Variants in SH3KBP1 observed in about 807,000 individuals in gnomAD.
The protein encoded by SH3KBP1 is SH3 domain containing kinase binding protein 1, also known as SH3 domain-containing kinase-binding protein 1.
SH3KBP1 carries 8 observed loss-of-function variants against 50.1 expected under a neutral mutation model. The observed-to-expected ratio is 0.16, with a 90% CI of 0.09 to 0.29. SH3KBP1 has a LOEUF of 0.29. Ranked by LOEUF, SH3KBP1 falls within the 10% of genes least tolerant of loss-of-function variation. SH3KBP1 has a pLI of 1.00. For missense variants in SH3KBP1, 377 were observed against 535.2 expected (o/e 0.70, Z 2.92); for synonymous variants, 227 against 218.6 (o/e 1.04, Z -0.34).
At chrX:19,552,974 G>A (rs1252182617) in intron 13 of SH3KBP1, among the ~76,000 whole-genome samples, 1 of 111,095 alleles carries the variant, frequency 9.0e-6, no homozygotes, top group East Asian at 2.8e-4. Context: ...CTCTAACAGT[G>A]GGTCCTCCCA....
chrX:19,536,505 T>A (rs1448843634), intron 17 of SH3KBP1, 47 bp from the exon 18 acceptor site: 11 of 871,267 alleles, frequency 1.3e-5, no homozygotes, highest in Non-Finnish European at 1.8e-5. Context: ...ATGAATCGGC[T>A]GGTTTTATAG....
At chrX:19,675,467 C>T (rs1040304118) in intron 6 of SH3KBP1, among the ~76,000 whole-genome samples, 1 of 108,569 alleles carries the variant, frequency 9.2e-6, no homozygotes, top group Non-Finnish European at 1.9e-5. Context: ...TACAGTGGCG[C>T]AATCTCAGCT....
intron 1 of SH3KBP1, among the ~76,000 whole-genome samples, chrX:19,856,951 C>CTATTTTT (rs2068660478): frequency 5.0e-5 from 1 of 20,040 alleles, no homozygotes; most frequent in Non-Finnish European, 1.0e-4. Flanking sequence ...TAATACTAGT[C>CTATTTTT]TTTTTTTTTT....
rs754697387 is a variant in SH3KBP1 at position 19,592,244 on chromosome X, G to T, written c.1058-97C>A. On this transcript the variant is annotated intron_variant, in intron 10 of 17. Transcript: ENST00000397821. The stretch of plus-strand genomic sequence containing the variant: ...ATCTTTATCAGGTAGAGCAAAGTCA[G>T]TAAGATTTTTTCCCCTGAGTTGGGC... 2.5e-5 allele frequency: 18 copies of T among 734,570 alleles called. No homozygotes were observed. The East Asian group carries it at 5.4e-4, about 22-fold the overall frequency. 60.5% of individuals were successfully genotyped at this position (734,570 alleles called of 1,213,427 possible).
intron 2 of SH3KBP1, among the ~76,000 whole-genome samples, chrX:19,748,225 C>A (rs777532427): frequency 1.2e-4 from 13 of 112,192 alleles, no homozygotes; most frequent in African/African-American, 4.2e-4. Context: ...CAACACCCAA[C>A]TTTGCCAAGG....
chrX:19,698,285 C>T (rs961983813), intron 4 of SH3KBP1, among the ~76,000 whole-genome samples: 1 of 112,041 alleles, frequency 8.9e-6, no homozygotes, highest in African/African-American at 3.2e-5. Context: ...GCAGCTGGGC[C>T]AATTCCAACC....
rs375300148 is a variant in SH3KBP1 at position 19,586,802 on chromosome X, T to C, written c.1298+1841A>G. On this transcript the variant is annotated intron_variant, in intron 12 of 17. Coordinates refer to ENST00000397821, the MANE Select transcript of SH3KBP1 (RefSeq NM_031892.3). ...CTGGGCAGCCAGCCCACGTTGCGACTTGCCTCTACATTTGAGCCTGGGAGT... is the reference window on the plus strand; with the variant it reads ...CTGGGCAGCCAGCCCACGTTGCGACCTGCCTCTACATTTGAGCCTGGGAGT... Among the ~76,000 whole-genome samples, 11 of 112,341 alleles carry C rather than the reference T, an allele frequency of 9.8e-5. No homozygotes were observed. In the East Asian group the frequency reaches 3.1e-3, roughly 31 times the overall value.
At chrX:19,549,272 G>C (rs2065173983) in intron 14 of SH3KBP1, among the ~76,000 whole-genome samples, 1 of 111,929 alleles carries the variant, frequency 8.9e-6, no homozygotes, top group African/African-American at 3.2e-5. Context: ...AAAAAGCTAA[G>C]GCTGTATAAC....
chrX:19,845,873 G>C (rs773615260), intron 1 of SH3KBP1, among the ~76,000 whole-genome samples: 1 of 111,386 alleles, frequency 9.0e-6, no homozygotes. Flanking sequence ...GCCTCCTAAA[G>C]TGCTGGAATT....
At position 19,544,513 on chromosome X, in the gene SH3KBP1, C is replaced by T. The variant is rs190526921; in HGVS notation, c.1623+1409G>A. Among the ~76,000 whole-genome samples the T allele has an allele frequency of 3.6e-3, 403 of 111,135 alleles. 1 individual carries two copies. Among genetic ancestry groups the T allele is most frequent in the Admixed American group, 6.8e-3 (71 of 10,386 alleles). On this transcript the variant is annotated intron_variant, in intron 15 of 17. Transcript: ENST00000397821. ...CTGTGGCTGCCTGAGTCTGAAGATT[C>T]GCACTCTCCTGTCCTCTCCTTTGCT... is the stretch of plus-strand genomic sequence containing the variant.
intron 3 of SH3KBP1, among the ~76,000 whole-genome samples, chrX:19,723,295 C>A (rs2064129087): frequency 8.9e-6 from 1 of 111,786 alleles, no homozygotes; most frequent in Non-Finnish European, 1.9e-5. Flanking sequence ...TAGTGAAAAA[C>A]CAGAATTATC....
At chrX:19,658,307 T>C (rs190954245) in intron 6 of SH3KBP1, among the ~76,000 whole-genome samples, 27 of 111,691 alleles carry the variant, frequency 2.4e-4, no homozygotes, top group Non-Finnish European at 4.5e-4. Context: ...CACCTCGGTC[T>C]TATCTGAAAC....
At chrX:19,582,416 C>T (rs761794326) in intron 12 of SH3KBP1, among the ~76,000 whole-genome samples, 3 of 111,905 alleles carry the variant, frequency 2.7e-5, no homozygotes, top group South Asian at 7.4e-4. Flanking sequence ...CTATGGTGGC[C>T]GCGTGGGTGA....
At position 19,780,618 on chromosome X, in the gene SH3KBP1, G is replaced by T. The variant is rs2066147086; in HGVS notation, c.163-34177C>A. On this transcript the variant is annotated intron_variant, in intron 2 of 17. Transcript: ENST00000397821. The stretch of plus-strand genomic sequence containing the variant: ...TTTAATCCATCTTGAATTGATTTTT[G>T]TATAAGGTGTAAGGAAGGGATCCGG... Among the ~76,000 whole-genome samples the T allele has an allele frequency of 3.7e-5, 4 of 108,624 alleles. No homozygotes were observed. In the South Asian group the frequency reaches 1.2e-3, roughly 33 times the overall value. 94.3% of individuals were successfully genotyped at this position (108,624 alleles called of 115,157 possible). A position where few individuals can be genotyped will look rare whatever the true frequency, so the allele number is the denominator to read the frequency against.
At chrX:19,707,116 C>T in intron 3 of SH3KBP1, 132 bp from the exon 4 acceptor site, 1 of 583,609 alleles carries the variant, frequency 1.7e-6, no homozygotes, top group Non-Finnish European at 3.1e-6. Flanking sequence ...TGGCTTGAGG[C>T]ACGGCAGCCC....
At chrX:19,540,576 C>T (rs752655207) in intron 16 of SH3KBP1, among the ~76,000 whole-genome samples, 2 of 111,309 alleles carry the variant, frequency 1.8e-5, no homozygotes, top group Admixed American at 9.5e-5. Context: ...CCTCAAGCCA[C>T]GTAGAGGGAG....
chrX:19,649,843 G>A (rs779376213), intron 6 of SH3KBP1, among the ~76,000 whole-genome samples: 1 of 112,192 alleles, frequency 8.9e-6, no homozygotes, highest in African/African-American at 3.2e-5. Flanking sequence ...CTGGATTGGA[G>A]TCCAGGGGAA....
intron 3 of SH3KBP1, among the ~76,000 whole-genome samples, chrX:19,713,216 C>CA (rs923098548): frequency 1.6e-4 from 17 of 108,598 alleles, no homozygotes; most frequent in Admixed American, 4.9e-4. Flanking sequence ...GACTCTGTCT[C>CA]AAAAAAAACA....
chrX:19,551,548 C>CCCTTTTT (rs2065239434), intron 13 of SH3KBP1, among the ~76,000 whole-genome samples: 1 of 97,195 alleles, frequency 1.0e-5, no homozygotes, highest in African/African-American at 4.8e-5. Context: ...CCCTCCCTCC[C>CCCTTTTT]TCTTTTTTTT....
Sources: gnomAD v4.1 joint callset for allele counts (sites outside exome capture counted in the v4.1 genomes callset) on GRCh38, gnomAD v4.1.1 for gene constraint, MANE v1.5 for transcripts, NCBI Gene and HGNC (gene_info 2026-07-23, HGNC 2026-07-21) for gene names.